The following PALM2AKAP2 variants were observed in gnomAD, a reference collection of about 807,000 sequenced individuals.
The protein encoded by PALM2AKAP2 is PALM2-AKAP2 fusion protein.
In PALM2AKAP2, 37 loss-of-function variants were observed where a neutral mutation model predicts 71.5. That is an observed-to-expected ratio of 0.52 (90% CI 0.40 to 0.68). The LOEUF (loss-of-function observed/expected upper bound fraction) is 0.68. Among genes scored for constraint, PALM2AKAP2 ranks in the 30% least tolerant of loss-of-function variants. PALM2AKAP2 has a pLI of 0.00. For synonymous variants in PALM2AKAP2, 468 were observed against 478.8 expected (o/e 0.98, Z 0.29); for missense variants, 1,224 against 1,191.8 (o/e 1.03, Z -0.40).
intron 3 of PALM2AKAP2, among the ~76,000 whole-genome samples, chr9:109,900,773 G>GT (rs1830309862): frequency 6.6e-6 from 1 of 152,126 alleles, no homozygotes; most frequent in Admixed American, 6.5e-5. Context: ...TATTGTACTT[G>GT]AGTCCCATCA....
intron 7 of PALM2AKAP2, among the ~76,000 whole-genome samples, chr9:110,036,814 C>A (rs1315488529): frequency 3.3e-5 from 5 of 152,084 alleles, no homozygotes; most frequent in Non-Finnish European, 7.4e-5. Flanking sequence ...AGTGTCCCCA[C>A]ACCTGCTGTT....
At chr9:110,147,248 CAA>C (rs59763270) in intron 2 of PALM2AKAP2, among the ~76,000 whole-genome samples, 60 of 108,004 alleles carry the variant, frequency 5.6e-4, no homozygotes, top group South Asian at 1.5e-3. Context: ...GACTCTGTCT[CAA>C]AAAAAAAAAA....
intron 3 of PALM2AKAP2, among the ~76,000 whole-genome samples, chr9:109,919,354 T>A (rs970191919): frequency 1.6e-5 from 2 of 122,550 alleles, no homozygotes; most frequent in African/African-American, 7.3e-5. Context: ...AAAGGGAATT[T>A]GTTGTTTTCA....
intron 6 of PALM2AKAP2, chr9:109,943,323 C>T (rs1308080115): frequency 1.2e-6 from 2 of 1,614,228 alleles, no homozygotes; most frequent in Admixed American, 1.7e-5. Context: ...TCTCAGACAC[C>T]ACAGAGCCCT....
chr9:110,122,523 T>A (rs1237024359), intron 1 of PALM2AKAP2, among the ~76,000 whole-genome samples: 1 of 152,204 alleles, frequency 6.6e-6, no homozygotes, highest in Non-Finnish European at 1.5e-5. Flanking sequence ...TCTGCCCCTC[T>A]GCAGAGTGCA....
At chr9:110,050,620 CTTTTCTTTTT>C (rs1367108497) in intron 1 of PALM2AKAP2, among the ~76,000 whole-genome samples, 181 of 151,910 alleles carry the variant, frequency 1.2e-3, no homozygotes, top group African/African-American at 4.3e-3. Flanking sequence ...TTTTTCTTTT[CTTTTCTTTTT>C]TTTTCTTTTC....
At chr9:110,066,863 T>G (rs1413799438) in intron 1 of PALM2AKAP2, among the ~76,000 whole-genome samples, 1 of 152,192 alleles carries the variant, frequency 6.6e-6, no homozygotes, top group African/African-American at 2.4e-5. Context: ...AGTATCTGTT[T>G]GCTGCAGTTT....
At chr9:110,017,017 C>T (rs567682761) in intron 7 of PALM2AKAP2, among the ~76,000 whole-genome samples, 109 of 152,094 alleles carry the variant, frequency 7.2e-4, no homozygotes, top group South Asian at 2.1e-4. Flanking sequence ...GTAGCTGGGA[C>T]TACAGGCGCC....
intron 2 of PALM2AKAP2, among the ~76,000 whole-genome samples, chr9:109,873,604 T>C (rs1206633567): frequency 1.3e-5 from 2 of 152,078 alleles, no homozygotes; most frequent in Non-Finnish European, 2.9e-5. Flanking sequence ...ATCATGAAAG[T>C]ACACAAAGGA....
intron 2 of PALM2AKAP2, among the ~76,000 whole-genome samples, chr9:110,141,163 G>C (rs1476068484): frequency 6.6e-6 from 1 of 152,056 alleles, no homozygotes; most frequent in African/African-American, 2.4e-5. Context: ...TCCCCACCAG[G>C]ACCGAGGTTG....
At chr9:109,895,933 C>T (rs1173523312) in intron 3 of PALM2AKAP2, among the ~76,000 whole-genome samples, 1 of 152,116 alleles carries the variant, frequency 6.6e-6, no homozygotes, top group Non-Finnish European at 1.5e-5. Flanking sequence ...CCTGTAATCC[C>T]AGCACTTTAG....
chr9:109,783,413 C>T (rs1420234818), intron 1 of PALM2AKAP2, among the ~76,000 whole-genome samples: 3 of 151,960 alleles, frequency 2.0e-5, no homozygotes, highest in Admixed American at 1.3e-4. Context: ...ATCCTCCCAC[C>T]TCAGCCTCCC....
intron 1 of PALM2AKAP2, among the ~76,000 whole-genome samples, chr9:109,822,526 C>T (rs1449195867): frequency 6.6e-6 from 1 of 152,160 alleles, no homozygotes. Flanking sequence ...ACCCTTTTCC[C>T]ACCTTCTACC....
intron 1 of PALM2AKAP2, among the ~76,000 whole-genome samples, chr9:109,721,859 C>T (rs946381187): frequency 1.3e-5 from 2 of 152,156 alleles, no homozygotes; most frequent in African/African-American, 4.8e-5. Flanking sequence ...ACCTTAGACT[C>T]CTTCCTCTTC....
At chr9:109,935,923 CCTT>C (rs1564219834) in intron 6 of PALM2AKAP2, among the ~76,000 whole-genome samples, 1 of 152,184 alleles carries the variant, frequency 6.6e-6, no homozygotes, top group Non-Finnish European at 1.5e-5. Flanking sequence ...TGAAAACTCT[CCTT>C]CTTGACCAAA....
intron 1 of PALM2AKAP2, among the ~76,000 whole-genome samples, chr9:109,748,403 C>T (rs976187285): frequency 6.6e-6 from 1 of 152,054 alleles, no homozygotes; most frequent in African/African-American, 2.4e-5. Flanking sequence ...GCTGGGGCAT[C>T]GGCCTTAAAC....
intron 6 of PALM2AKAP2, among the ~76,000 whole-genome samples, chr9:109,959,426 C>CA (rs1831810653): frequency 6.6e-6 from 1 of 151,980 alleles, no homozygotes; most frequent in African/African-American, 2.4e-5. Context: ...GGGCAGATCA[C>CA]AAGCTCAGGA....
chr9:109,774,174 C>T lies in PALM2AKAP2; in HGVS notation c.6-6314C>T, dbSNP rs1003243600. Among the ~76,000 whole-genome samples the T allele has an allele frequency of 4.0e-4, 61 of 152,218 alleles. 2 individuals carry two copies. Among genetic ancestry groups the T allele is most frequent in the Non-Finnish European group, 1.9e-4 (13 of 68,036 alleles). ...GCTACCAAAAGGGATTCCAAGCTGACGGAGCACATCGTGGTCATTGTGCTA... is the reference window on the plus strand; with the variant it reads ...GCTACCAAAAGGGATTCCAAGCTGATGGAGCACATCGTGGTCATTGTGCTA... On this transcript the variant is annotated intron_variant, in intron 1 of 6. Transcript: ENST00000374531.
chr9:110,014,284 A>T (rs770240514), intron 6 of PALM2AKAP2, among the ~76,000 whole-genome samples: 119 of 152,182 alleles, frequency 7.8e-4, no homozygotes, highest in Non-Finnish European at 1.3e-3. Flanking sequence ...TATTACACAG[A>T]TAATTTTAAC....
Sources: allele counts gnomAD v4.1 joint callset (sites outside exome capture counted in the v4.1 genomes callset), GRCh38; gene constraint gnomAD v4.1.1; transcripts MANE v1.5; gene names NCBI Gene and HGNC (gene_info 2026-07-23, HGNC 2026-07-21).